Variants in NRK observed in about 807,000 individuals in gnomAD.
NRK encodes the protein Nik related kinase.
NRK carries 67 observed loss-of-function variants against 125.2 expected under a neutral mutation model. The ratio of observed to expected loss-of-function variants is 0.54; its 90% confidence interval spans 0.44 to 0.66. The LOEUF is 0.66. Among genes scored for constraint, NRK ranks in the 30% least tolerant of loss-of-function variants. The pLI, the probability that NRK is intolerant of heterozygous loss-of-function variation, is 0.00. For synonymous variants in NRK, 458 were observed against 429.0 expected, an observed-to-expected ratio of 1.07 and a Z score of -0.84; for missense variants, 1,224 against 1,192.9, an observed-to-expected ratio of 1.03 and a Z score of -0.38.
intron 2 of NRK, among the ~76,000 whole-genome samples, chrX:105,873,274 C>G (rs1466966875): frequency 9.0e-6 from 1 of 111,424 alleles, no homozygotes; most frequent in African/African-American, 3.3e-5. Context: ...AAGGACTGTC[C>G]TGTATTCTTT....
intron 3 of NRK, 113 bp downstream of exon 3, chrX:105,880,368 T>G: frequency 3.5e-6 from 1 of 285,508 alleles, no homozygotes; most frequent in East Asian, 5.8e-5. Flanking sequence ...TAATAATTAT[T>G]ACATCAATCT....
intron 2 of NRK, among the ~76,000 whole-genome samples, chrX:105,864,406 A>T (rs2039643643): frequency 9.0e-6 from 1 of 111,512 alleles, no homozygotes; most frequent in African/African-American, 3.3e-5. Context: ...GAAATTTCTA[A>T]ATCTTTTAAA....
chrX:105,900,434 G>T (rs1171133668), intron 8 of NRK, among the ~76,000 whole-genome samples, 184 bp from the exon 9 acceptor site: 3 of 111,584 alleles, frequency 2.7e-5, no homozygotes, highest in Non-Finnish European at 5.7e-5. Context: ...TGAGGTACTG[G>T]CTGGTCAGTA....
intron 14 of NRK, among the ~76,000 whole-genome samples, chrX:105,914,388 T>C (rs2040339092): frequency 9.0e-6 from 1 of 111,380 alleles, no homozygotes; most frequent in Admixed American, 9.6e-5. Context: ...GTAATAATTA[T>C]TACCTTAAAC....
At position 105,939,858 on chromosome X, in the gene NRK, T is replaced by C. The variant is rs1435733023; in HGVS notation, c.3800-16T>C. ...AAAGACTGATTTTAAATACTGTATA[T>C]TTTCTTATCTATCAGGTCATAAGAA... On this transcript the variant is annotated splice_polypyrimidine_tract_variant and intron_variant, in intron 22 of 28. Transcript: ENST00000243300. 6.7e-6 allele frequency: 7 copies of C among 1,049,336 alleles called. No homozygotes were observed. The South Asian group carries it at 1.6e-4, about 24-fold the overall frequency. 86.5% of individuals were successfully genotyped at this position (1,049,336 alleles called of 1,213,427 possible).
At position 105,923,574 on chromosome X, in the gene NRK, G is replaced by A. The variant is rs780937319; in HGVS notation, c.2975+92G>A. 2.9e-4 allele frequency: 164 copies of A among 559,306 alleles called. 2 individuals carry two copies. The South Asian group carries it at 6.9e-3, about 24-fold the overall frequency. The allele number at this position is 559,306 out of a possible 1,213,427, so 46.1% of individuals were successfully genotyped here. A position where few individuals can be genotyped will look rare whatever the true frequency, so the allele number is the denominator to read the frequency against. ...TTATTTTCAAAATTTATTACCAAGA[G>A]AGTGACCTAATTTCACTTGCATTTT... On this transcript the variant is annotated intron_variant, in intron 18 of 28. Transcript: ENST00000243300.
chrX:105,943,792 G>C, intron 23 of NRK, 149 bp from the exon 24 acceptor site: 1 of 402,759 alleles, frequency 2.5e-6, no homozygotes, highest in Non-Finnish European at 4.4e-6. Flanking sequence ...ACCTTTTTGT[G>C]GGCATCAAAT....
At position 105,937,516 on chromosome X, in the gene NRK, A is replaced by G. The variant is rs1386434784; in HGVS notation, c.3733A>G (p.Ile1245Val). 2 of 1,198,595 alleles carry G rather than the reference A, an allele frequency of 1.7e-6. No individual in the cohort carries two copies. Among genetic ancestry groups the G allele is most frequent in the African/African-American group, 3.5e-5 (2 of 56,826 alleles). ...TGGAAAGGCTGACATTACTAAACTT[A>G]TAAGGCGAAGACCATTCCGCCAGAT... Reference protein sequence around the residue: ...RSGKADITKLIRRRPFRQIQV... With the variant: ...RSGKADITKLVRRRPFRQIQV... Residue 1245 changes from isoleucine (I) to valine (V), a missense_variant, in exon 22 of 29, where the codon ATA becomes GTA. By Grantham distance (29) the Ile-to-Val change is conservative. Transcript: ENST00000243300.
At chrX:105,852,956 A>T (rs2039490289) in intron 2 of NRK, among the ~76,000 whole-genome samples, 1 of 111,933 alleles carries the variant, frequency 8.9e-6, no homozygotes, top group Admixed American at 9.5e-5. Flanking sequence ...ACTCTCGTGA[A>T]CTTCAAATCT....
intron 2 of NRK, among the ~76,000 whole-genome samples, chrX:105,862,475 A>G (rs957273824): frequency 2.7e-5 from 3 of 111,701 alleles, no homozygotes; most frequent in East Asian, 5.6e-4. Flanking sequence ...TAATCATAAG[A>G]CATTTTGAAA....
At chrX:105,875,684 G>A (rs1296995232) in intron 2 of NRK, among the ~76,000 whole-genome samples, 7 of 110,011 alleles carry the variant, frequency 6.4e-5, no homozygotes, top group Admixed American at 5.9e-4. Flanking sequence ...ACTTGAATGC[G>A]TGGAATGAGT....
chrX:105,906,041 A>G (rs2040215073), intron 10 of NRK, among the ~76,000 whole-genome samples: 1 of 111,954 alleles, frequency 8.9e-6, no homozygotes, highest in Non-Finnish European at 1.9e-5. Flanking sequence ...CATATAGTCA[A>G]ATGAAAAATA....
chrX:105,855,757 G>A (rs1602611938), intron 2 of NRK, among the ~76,000 whole-genome samples: 1 of 111,979 alleles, frequency 8.9e-6, no homozygotes, highest in South Asian at 3.7e-4. Context: ...GATAAAGTAT[G>A]TAAGATATCA....
chrX:105,825,462 A>G (rs2039080005), intron 1 of NRK, among the ~76,000 whole-genome samples: 1 of 112,284 alleles, frequency 8.9e-6, no homozygotes, highest in Non-Finnish European at 1.9e-5. Flanking sequence ...ATAAATAAAT[A>G]TGACTCTAGT....
At chrX:105,839,099 A>AT (rs1314934307) in intron 2 of NRK, among the ~76,000 whole-genome samples, 1 of 111,190 alleles carries the variant, frequency 9.0e-6, no homozygotes, top group Non-Finnish European at 1.9e-5. Context: ...AATTTATGAT[A>AT]TTTTAAATTA....
intron 7 of NRK, 63 bp downstream of exon 7, chrX:105,895,586 T>G: frequency 1.4e-6 from 1 of 735,631 alleles, no homozygotes; most frequent in Non-Finnish European, 2.1e-6. Flanking sequence ...TCCTTTAAGA[T>G]AACTATGCTT....
rs427729 is a variant in NRK, at chrX:105,838,827, A to C, written c.123+7708A>C. Reference sequence around the variant, plus strand: ...GTCAGTAGATTAAGTGAGGTATATGAAGGTCACAGTCAGGAGCAAATTCCT... The same window carrying C: ...GTCAGTAGATTAAGTGAGGTATATGCAGGTCACAGTCAGGAGCAAATTCCT... On this transcript the variant is annotated intron_variant, in intron 2 of 28. Coordinates refer to ENST00000243300, the MANE Select transcript of NRK (RefSeq NM_198465.4). Among the ~76,000 whole-genome samples, 748 of 110,102 alleles carry C rather than the reference A, an allele frequency of 6.8e-3. 8 individuals are homozygous for C. The highest frequency in any genetic ancestry group is 0.063 in the South Asian group (152 of 2,419).
At chrX:105,916,622 C>G (rs1266214035) in intron 15 of NRK, among the ~76,000 whole-genome samples, 1 of 111,663 alleles carries the variant, frequency 9.0e-6, no homozygotes, top group Non-Finnish European at 1.9e-5. Context: ...TCAGATTTAA[C>G]TGGAGTGCAG....
intron 2 of NRK, among the ~76,000 whole-genome samples, chrX:105,846,699 A>G (rs1488054678): frequency 9.0e-6 from 1 of 111,378 alleles, no homozygotes; most frequent in Non-Finnish European, 1.9e-5. Flanking sequence ...CGGGAACTTC[A>G]TTTGCTGTAC....
Sources: allele counts gnomAD v4.1 joint callset (sites outside exome capture counted in the v4.1 genomes callset), GRCh38; gene constraint gnomAD v4.1.1; transcripts MANE v1.5; gene names NCBI Gene and HGNC (gene_info 2026-07-23, HGNC 2026-07-21).